The following SLA variants were observed in gnomAD, a reference collection of about 807,000 sequenced individuals.
The protein encoded by SLA is Src like adaptor.
Under a neutral mutation model 30.3 loss-of-function variants are expected in SLA, and 16 were observed. That is an observed-to-expected ratio of 0.53 (90% CI 0.36 to 0.80). The LOEUF is 0.80. SLA is among the 30% of genes least tolerant of loss of function. The probability of loss-of-function intolerance (pLI) is 0.01; values close to 1 mark genes in which losing one functional copy is unlikely to be tolerated. For synonymous variants in SLA, 143 were observed against 137.8 expected, an observed-to-expected ratio of 1.04 and a Z score of -0.26; for missense variants, 310 against 345.2, an observed-to-expected ratio of 0.90 and a Z score of 0.81.
intron 2 of SLA, among the ~76,000 whole-genome samples, chr8:133,067,223 T>G (rs1843163449): frequency 6.6e-6 from 1 of 152,108 alleles, no homozygotes; most frequent in Admixed American, 6.5e-5. Flanking sequence ...CCGAGGCCAC[T>G]TACCCCGTGA....
chr8:133,037,633 C>A lies in SLA; in HGVS notation c.*891G>T, dbSNP rs10106075. 1.3e-5 allele frequency: 2 copies of A among 151,262 alleles called. No homozygotes were observed. Among genetic ancestry groups the A allele is most frequent in the Non-Finnish European group, 2.9e-5 (2 of 67,858 alleles). The allele number at this position is 151,262 out of a possible 1,614,324, so 9.4% of individuals were successfully genotyped here. On this transcript the variant is annotated 3_prime_UTR_variant, in exon 9 of 9. Transcript: ENST00000338087. ...CACCTCTGTTGGGGGTTAGGACTTA[C>A]GCATCTTTTTTTTTTTTTTGGCTTG...
At chr8:133,048,730 T>G (rs946542011) in intron 5 of SLA, 1 of 159,122 alleles carries the variant, frequency 6.3e-6, no homozygotes, top group Admixed American at 6.1e-5. Context: ...GAGAGTCACG[T>G]GACTCCCATC....
chr8:133,074,099 G>A (rs563907392), intron 2 of SLA, among the ~76,000 whole-genome samples: 68 of 152,206 alleles, frequency 4.5e-4, no homozygotes, highest in African/African-American at 1.6e-3. Flanking sequence ...TGTGGAGTGT[G>A]CCATATTTCT....
intron 7 of SLA, among the ~76,000 whole-genome samples, chr8:133,041,513 C>T (rs182308228): frequency 1.3e-5 from 2 of 152,214 alleles, no homozygotes; most frequent in East Asian, 3.9e-4. Flanking sequence ...AAATAATGAC[C>T]TGTCATGGGT....
chr8:133,043,665 C>T (rs1252929024), intron 7 of SLA, among the ~76,000 whole-genome samples: 2 of 152,186 alleles, frequency 1.3e-5, no homozygotes, highest in Non-Finnish European at 2.9e-5. Flanking sequence ...TGAGCTTGGA[C>T]CTGCCTCTCC....
chr8:133,058,765 G>A (rs1841918338), intron 3 of SLA, among the ~76,000 whole-genome samples: 1 of 152,236 alleles, frequency 6.6e-6, no homozygotes, highest in African/African-American at 2.4e-5. Context: ...GCTGTCCTGA[G>A]AGCACATGCT....
intron 2 of SLA, among the ~76,000 whole-genome samples, chr8:133,066,754 G>A (rs939541759): frequency 1.3e-5 from 2 of 152,170 alleles, no homozygotes; most frequent in Admixed American, 6.5e-5. Context: ...ACTAATTTGG[G>A]ATACAAGTAT....
chr8:133,062,085 G>A (rs1416836417), intron 2 of SLA, among the ~76,000 whole-genome samples: 7 of 152,268 alleles, frequency 4.6e-5, no homozygotes, highest in Middle Eastern at 6.8e-3. Context: ...TGGCTAGAAC[G>A]GGCAGCATGT....
chr8:133,058,126 A>T (rs534383662), intron 3 of SLA, among the ~76,000 whole-genome samples: 19 of 152,236 alleles, frequency 1.2e-4, no homozygotes, highest in Non-Finnish European at 4.4e-5. Context: ...CCTGTGCATG[A>T]GGCAGATGGG....
At chr8:133,055,216 G>A (rs574952489) in intron 3 of SLA, among the ~76,000 whole-genome samples, 1 of 152,210 alleles carries the variant, frequency 6.6e-6, no homozygotes, top group African/African-American at 2.4e-5. Context: ...AGCAGCTCAG[G>A]GCAACTGGTG....
At position 133,060,138 on chromosome 8, in the gene SLA, G is replaced by A; in HGVS notation, c.23C>T (p.Thr8Ile). The A allele has an allele frequency of 1.2e-6, 2 of 1,612,156 alleles. No homozygotes were observed. Among genetic ancestry groups the A allele is most frequent in the Non-Finnish European group, 1.7e-6 (2 of 1,179,372 alleles). MGNSMKSTPAPAERPLPN... is the reference protein window; with the variant it reads MGNSMKSIPAPAERPLPN... ...CAGGGGCCTCTCGGCAGGCGCAGGGGTGGATTTCATGCTGTTTCCCATTTC... is the reference window on the plus strand; with the variant it reads ...CAGGGGCCTCTCGGCAGGCGCAGGGATGGATTTCATGCTGTTTCCCATTTC... Residue 8 changes from threonine (T) to isoleucine (I), a missense_variant, in exon 3 of 9, where the codon ACC (threonine) becomes ATC (isoleucine). Physicochemically the swap from Thr to Ile is moderately conservative, Grantham distance 89 (BLOSUM62 -1). Coordinates refer to ENST00000338087, the MANE Select transcript of SLA (RefSeq NM_001045556.3).
chr8:133,090,634 A>C (rs1328320581), intron 1 of SLA, among the ~76,000 whole-genome samples: 1 of 152,220 alleles, frequency 6.6e-6, no homozygotes, highest in Non-Finnish European at 1.5e-5. Flanking sequence ...CCTAATGATG[A>C]ATACAACCAA....
chr8:133,085,123 G>A (rs1588042951), intron 1 of SLA, among the ~76,000 whole-genome samples: 1 of 152,342 alleles, frequency 6.6e-6, no homozygotes, highest in East Asian at 1.9e-4. Flanking sequence ...TCCTCCGTGT[G>A]TAGACACAGC....
chr8:133,060,003 C>A, intron 3 of SLA, 97 bp downstream of exon 3: 7 of 1,257,782 alleles, frequency 5.6e-6, no homozygotes, highest in Non-Finnish European at 7.6e-6. Flanking sequence ...TACCCATTGC[C>A]CCATTTAAGT....
intron 3 of SLA, chr8:133,059,193 C>T (rs1243415789): frequency 4.4e-6 from 2 of 452,336 alleles, no homozygotes; most frequent in East Asian, 1.4e-4. Flanking sequence ...GTGGTCACCC[C>T]TGCGAGGAAA....
At chr8:133,094,247 T>C (rs1297207504) in intron 1 of SLA, among the ~76,000 whole-genome samples, 6 of 149,170 alleles carry the variant, frequency 4.0e-5, no homozygotes, top group East Asian at 1.9e-4. Flanking sequence ...GTTTTCTTTT[T>C]TTTTTTTTTT....
chr8:133,086,595 G>T (rs111781949), intron 1 of SLA, among the ~76,000 whole-genome samples: 2 of 152,148 alleles, frequency 1.3e-5, no homozygotes, highest in African/African-American at 4.8e-5. Context: ...TTTGCATAAG[G>T]AAATCATCAT....
At chr8:133,041,764 C>G (rs1181998708) in intron 7 of SLA, among the ~76,000 whole-genome samples, 1 of 150,870 alleles carries the variant, frequency 6.6e-6, no homozygotes, top group Non-Finnish European at 1.5e-5. Context: ...CTCATTGAGG[C>G]CTTGATCAGC....
intron 2 of SLA, among the ~76,000 whole-genome samples, chr8:133,060,934 TTTTCAAGTTAACCACCCAGGC>T (rs1287354011): frequency 4.6e-5 from 7 of 152,298 alleles, no homozygotes; most frequent in Admixed American, 3.9e-4. Context: ...TCCATAACGG[TTTTCAAGTTAACCACCCAGGC>T]TTAAATTCTG....
Sources: gnomAD v4.1 joint callset for allele counts (sites outside exome capture counted in the v4.1 genomes callset) on GRCh38, gnomAD v4.1.1 for gene constraint, MANE v1.5 for transcripts, NCBI Gene and HGNC (gene_info 2026-07-23, HGNC 2026-07-21) for gene names.